BCL2L13: variants seen among roughly 807,000 people sequenced by gnomAD.
The protein encoded by BCL2L13 is bcl-2-like protein 13.
BCL2L13 carries 13 observed loss-of-function variants against 25.8 expected under a neutral mutation model. The ratio of observed to expected loss-of-function variants is 0.50; its 90% confidence interval spans 0.33 to 0.80. BCL2L13 has a LOEUF of 0.80. BCL2L13 is among the 30% of genes least tolerant of loss of function. The pLI is 0.02. For synonymous variants in BCL2L13, 244 were observed against 230.3 expected (o/e 1.06, Z -0.54); for missense variants, 504 against 574.9 (o/e 0.88, Z 1.26).
At chr22:17,726,001 C>T (rs745805440) in intron 6 of BCL2L13, among the ~76,000 whole-genome samples, 32 of 152,162 alleles carry the variant, frequency 2.1e-4, no homozygotes, top group Non-Finnish European at 3.2e-4. Context: ...CAACCCACCA[C>T]ATGAGGTCAA....
Position 17,728,616 on chromosome 22 carries a change from G to A in BCL2L13, c.*1082G>A, listed in dbSNP as rs2061353636. 1 of 152,172 alleles carries A rather than the reference G, an allele frequency of 6.6e-6. No individual in the cohort carries two copies. The highest frequency in any genetic ancestry group is 1.5e-5 in the Non-Finnish European group (1 of 68,024). The allele number at this position is 152,172 out of a possible 1,614,324, so 9.4% of individuals were successfully genotyped here. A position where few individuals can be genotyped will look rare whatever the true frequency, so the allele number is the denominator to read the frequency against. ...GATGAGTTCTATGGGTCTCTTGCTA[G>A]GGGGTAAGGATTTTTATTCTTGGGC... On this transcript the variant is annotated 3_prime_UTR_variant, in exon 7 of 7. Transcript: ENST00000317582.
chr22:17,715,123 TA>T (rs1251117518), intron 6 of BCL2L13, among the ~76,000 whole-genome samples: 8 of 3,104 alleles, frequency 2.6e-3, no homozygotes, highest in South Asian at 0.014. Flanking sequence ...GTGTTAATTT[TA>T]TATATATATA....
chr22:17,715,150 A>T (rs2587088), intron 6 of BCL2L13, among the ~76,000 whole-genome samples: 17 of 6,254 alleles, frequency 2.7e-3, no homozygotes, highest in South Asian at 0.021. Context: ...ATATATATAT[A>T]TATATATATA....
chr22:17,687,182 A>G (rs142899844), intron 3 of BCL2L13, among the ~76,000 whole-genome samples: 7 of 152,326 alleles, frequency 4.6e-5, no homozygotes, highest in African/African-American at 1.7e-4. Context: ...AGTGGGTGCA[A>G]GCGGCCTGCT....
intron 5 of BCL2L13, among the ~76,000 whole-genome samples, chr22:17,698,633 G>A (rs1568988268): frequency 6.6e-6 from 1 of 151,812 alleles, no homozygotes. Flanking sequence ...GGAGGCTGAG[G>A]TGAGAGGATG....
At chr22:17,669,929 T>C (rs1290128394) in intron 2 of BCL2L13, among the ~76,000 whole-genome samples, 1 of 152,178 alleles carries the variant, frequency 6.6e-6, no homozygotes, top group Non-Finnish European at 1.5e-5. Flanking sequence ...TTATAAACTA[T>C]CCAGTTTCAG....
intron 6 of BCL2L13, among the ~76,000 whole-genome samples, chr22:17,717,545 G>A (rs771364647): frequency 5.9e-5 from 9 of 151,820 alleles, no homozygotes; most frequent in African/African-American, 1.7e-4. Flanking sequence ...CTGCCTGGGC[G>A]TCCAAAAGTG....
rs768699658 is a variant in BCL2L13, at chr22:17,727,108, C to T, written c.1032C>T (p.Pro344=). Residue 344 remains proline, a synonymous_variant, in exon 7 of 7, where the codon CCC becomes CCT. Coordinates refer to ENST00000317582, the MANE Select transcript of BCL2L13 (RefSeq NM_015367.4). ...LQEALPEAPA[P]LLPHITATSL... ...AGGCACTTCCTGAAGCCCCAGCTCC[C>T]TTGCTTCCACATATCACTGCCACCT... The T allele has an allele frequency of 1.9e-6, 3 of 1,614,216 alleles. No individual in the cohort carries two copies. Among genetic ancestry groups the T allele is most frequent in the South Asian group, 1.1e-5 (1 of 91,088 alleles).
At position 17,727,355 on chromosome 22, in the gene BCL2L13, C is replaced by T. The variant is rs1270860576; in HGVS notation, c.1279C>T (p.Pro427Ser). 3.7e-6 allele frequency: 6 copies of T among 1,614,206 alleles called. No individual in the cohort carries two copies. Among genetic ancestry groups the T allele is most frequent in the Non-Finnish European group, 4.2e-6 (5 of 1,180,048 alleles). ...REESLVEELS[P>S]ASEKKPVPPS... is the part of the protein sequence containing the mutation. ...AGAGAGCCTTGTGGAAGAGCTGTCCCCTGCCAGCGAGAAGAAGCCCGTGCC... is the reference window on the plus strand; with the variant it reads ...AGAGAGCCTTGTGGAAGAGCTGTCCTCTGCCAGCGAGAAGAAGCCCGTGCC... The change falls in exon 7 of 7, where the codon CCT becomes TCT. Residue 427 changes from proline (P) to serine (S), a missense_variant. By Grantham distance (74) the Pro-to-Ser change is moderately conservative. Coordinates refer to ENST00000317582, the MANE Select transcript of BCL2L13 (RefSeq NM_015367.4).
At position 17,717,380 on chromosome 22, in the gene BCL2L13, C is replaced by CAAAAAAAAAAAAAAAAAAAA. The variant is rs371314290; in HGVS notation, c.601-9291_601-9290insAAAAAAAAAAAAAAAAAAAA. Among the ~76,000 whole-genome samples, 25 of 126,252 alleles carry CAAAAAAAAAAAAAAAAAAAA rather than the reference C, an allele frequency of 2.0e-4. 2 individuals carry two copies. Among genetic ancestry groups the CAAAAAAAAAAAAAAAAAAAA allele is most frequent in the African/African-American group, 6.7e-4 (19 of 28,292 alleles). 82.8% of individuals were successfully genotyped at this position (126,252 alleles called of 152,430 possible). A position where few individuals can be genotyped will look rare whatever the true frequency, so the allele number is the denominator to read the frequency against. ...GGGGCAACAGAGTGAGACTCTGTCT[C>CAAAAAAAAAAAAAAAAAAAA]AAAAAAGATCCAATGTTGTTGTTCC... is the stretch of plus-strand genomic sequence containing the variant. On this transcript the variant is annotated intron_variant, in intron 6 of 6. Coordinates refer to ENST00000317582, the MANE Select transcript of BCL2L13 (RefSeq NM_015367.4).
At chr22:17,676,467 A>T (rs1273543112) in intron 2 of BCL2L13, among the ~76,000 whole-genome samples, 2 of 152,140 alleles carry the variant, frequency 1.3e-5, no homozygotes, top group Non-Finnish European at 2.9e-5. Context: ...TGTCTCAATT[A>T]AAAAAATAAT....
chr22:17,667,263 C>G (rs2059261399), intron 2 of BCL2L13, among the ~76,000 whole-genome samples: 1 of 152,112 alleles, frequency 6.6e-6, no homozygotes, highest in African/African-American at 2.4e-5. Context: ...CCTACGCCTC[C>G]TGGGTTCAAG....
intron 1 of BCL2L13, among the ~76,000 whole-genome samples, chr22:17,653,485 C>T (rs564256299): frequency 4.0e-5 from 6 of 150,784 alleles, no homozygotes; most frequent in African/African-American, 1.5e-4. Flanking sequence ...TCCTTACCAC[C>T]TCCAGTATGA....
At chr22:17,684,081 G>A (rs1175812743) in intron 3 of BCL2L13, among the ~76,000 whole-genome samples, 2 of 151,928 alleles carry the variant, frequency 1.3e-5, no homozygotes, top group African/African-American at 4.8e-5. Flanking sequence ...CATAGGTAAT[G>A]CTGCACTGAA....
At chr22:17,664,786 C>T (rs935287575) in intron 2 of BCL2L13, among the ~76,000 whole-genome samples, 1 of 152,236 alleles carries the variant, frequency 6.6e-6, no homozygotes, top group East Asian at 1.9e-4. Flanking sequence ...ACTTTCACCC[C>T]CTGAAGCCAT....
chr22:17,681,898 G>A (rs2059766710), intron 2 of BCL2L13, among the ~76,000 whole-genome samples: 1 of 152,106 alleles, frequency 6.6e-6, no homozygotes, highest in East Asian at 1.9e-4. Context: ...TGCAAACTGA[G>A]GATAATAGTA....
At chr22:17,674,097 G>A (rs1366608765) in intron 2 of BCL2L13, among the ~76,000 whole-genome samples, 2 of 152,164 alleles carry the variant, frequency 1.3e-5, no homozygotes, top group African/African-American at 4.8e-5. Context: ...ATAGGATAGT[G>A]TATTTTTAAG....
At chr22:17,720,516 C>T (rs111376411) in intron 6 of BCL2L13, among the ~76,000 whole-genome samples, 12 of 152,060 alleles carry the variant, frequency 7.9e-5, no homozygotes, top group African/African-American at 2.9e-4. Flanking sequence ...GCCACCATGC[C>T]TGGCTAATTT....
chr22:17,630,596 T>C (rs112880772), intron 1 of BCL2L13, among the ~76,000 whole-genome samples: 8 of 147,746 alleles, frequency 5.4e-5, no homozygotes, highest in South Asian at 2.2e-4. Flanking sequence ...CTTTTCTTTT[T>C]TTTTTTTTTT....
Sources: gnomAD v4.1 joint callset for allele counts (sites outside exome capture counted in the v4.1 genomes callset) on GRCh38, gnomAD v4.1.1 for gene constraint, MANE v1.5 for transcripts, NCBI Gene and HGNC (gene_info 2026-07-23, HGNC 2026-07-21) for gene names.